Variants in FAAH2 observed in about 807,000 individuals in gnomAD.
The protein encoded by FAAH2 is fatty acid amide hydrolase 2, also known as fatty-acid amide hydrolase 2.
In FAAH2, 60 loss-of-function variants were observed where a neutral mutation model predicts 36.9. The ratio of observed to expected loss-of-function variants is 1.63; its 90% CI spans 1.32 to 2.02. The LOEUF is 2.02. Among genes scored for constraint, FAAH2 ranks in the 30% most tolerant of loss-of-function variants. FAAH2 has a pLI of 0.00. For missense variants in FAAH2, 689 were observed against 397.5 expected, an observed-to-expected ratio of 1.73 and a Z score of -6.23; for synonymous variants, 214 against 143.8, an observed-to-expected ratio of 1.49 and a Z score of -3.49.
At chrX:57,235,039 A>T in the FAAH2 span, among the ~76,000 whole-genome samples, 1 of 111,444 alleles carries the variant, frequency 9.0e-6, no homozygotes, top group African/African-American at 3.3e-5. Flanking sequence ...CTCTGTCTCC[A>T]TGGCCCAGGG....
At chrX:57,263,221 C>T in the FAAH2 span, among the ~76,000 whole-genome samples, 1 of 111,414 alleles carries the variant, frequency 9.0e-6, no homozygotes, top group Non-Finnish European at 1.9e-5. Flanking sequence ...ACAAAAACCT[C>T]CTAGAACTAA....
chrX:57,414,328 G>A (rs897064835), intron 7 of FAAH2, among the ~76,000 whole-genome samples: 14 of 110,895 alleles, frequency 1.3e-4, no homozygotes, highest in Non-Finnish European at 1.9e-4. Context: ...CTTTTGCCTC[G>A]TCAGTATGAT....
the FAAH2 span, among the ~76,000 whole-genome samples, chrX:57,266,490 C>T: frequency 3.6e-5 from 4 of 112,644 alleles, no homozygotes; most frequent in African/African-American, 6.4e-5. Context: ...TGGACGGAGC[C>T]GCCAGGGGCA....
the FAAH2 span, among the ~76,000 whole-genome samples, chrX:57,243,751 A>T: frequency 8.9e-6 from 1 of 111,833 alleles, no homozygotes; most frequent in Non-Finnish European, 1.9e-5. Context: ...GGTCACCAAC[A>T]TCAAAGACCA....
the FAAH2 span, among the ~76,000 whole-genome samples, chrX:57,174,318 G>T: frequency 9.1e-6 from 1 of 109,936 alleles, no homozygotes; most frequent in Non-Finnish European, 1.9e-5. Context: ...CAAGCTGTGT[G>T]TGTGCATATG....
chrX:57,443,148 A>T (rs1026186233), intron 8 of FAAH2, among the ~76,000 whole-genome samples: 2 of 111,791 alleles, frequency 1.8e-5, no homozygotes, highest in Non-Finnish European at 3.8e-5. Flanking sequence ...CTGAATTTGA[A>T]TGTTGGCCTG....
At chrX:57,480,705 A>G (rs2057363560) in intron 10 of FAAH2, among the ~76,000 whole-genome samples, 1 of 110,588 alleles carries the variant, frequency 9.0e-6, no homozygotes, top group African/African-American at 3.3e-5. Context: ...GAATCTGGCG[A>G]TTAGGTGTCT....
At chrX:57,241,757 T>C in the FAAH2 span, among the ~76,000 whole-genome samples, 2 of 111,599 alleles carry the variant, frequency 1.8e-5, no homozygotes, top group Admixed American at 9.5e-5. Flanking sequence ...TGCATCCTCA[T>C]AGCTTAGCTC....
rs1046484320 is a variant in FAAH2 at position 57,302,942 on chromosome X, C to T, written c.276-7651C>T. 3.6e-5 allele frequency among the ~76,000 whole-genome samples: 4 copies of T among 111,087 alleles called. 1 individual carries two copies. The highest frequency in any genetic ancestry group is 5.7e-5 in the Non-Finnish European group (3 of 53,037). The stretch of plus-strand genomic sequence containing the variant: ...TTTCCTTGGTCTCAGGAGTCTAGTG[C>T]TGCCCTGTGCCACTGAGGCCACATG... On this transcript the variant is annotated intron_variant, in intron 2 of 10. Coordinates refer to ENST00000374900, the MANE Select transcript of FAAH2 (RefSeq NM_174912.4).
chrX:57,157,051 T>C, the FAAH2 span, among the ~76,000 whole-genome samples: 3,455 of 112,322 alleles, frequency 0.031, 117 homozygotes, highest in African/African-American at 0.11. Context: ...AGGAACAAAA[T>C]TCTGGAATTG....
chrX:57,322,872 G>T (rs2053075411), intron 3 of FAAH2, among the ~76,000 whole-genome samples: 1 of 108,993 alleles, frequency 9.2e-6, no homozygotes, highest in Non-Finnish European at 1.9e-5. Flanking sequence ...TAGGGTACAG[G>T]TGCACAACAT....
the FAAH2 span, among the ~76,000 whole-genome samples, chrX:57,215,149 G>T: frequency 2.8e-5 from 3 of 108,485 alleles, no homozygotes; most frequent in African/African-American, 1.0e-4. Flanking sequence ...CAAAAAGTGG[G>T]GAAAGAACAT....
chrX:57,482,062 C>T (rs903205644), intron 10 of FAAH2, among the ~76,000 whole-genome samples: 2 of 111,497 alleles, frequency 1.8e-5, no homozygotes, highest in Non-Finnish European at 3.8e-5. Flanking sequence ...CTACCAAATC[C>T]TCAGTAATGG....
At chrX:57,481,284 C>G (rs1472580433) in intron 10 of FAAH2, among the ~76,000 whole-genome samples, 4 of 110,816 alleles carry the variant, frequency 3.6e-5, no homozygotes, top group African/African-American at 9.9e-5. Flanking sequence ...TGTGCCCTTG[C>G]TGGAGAGGAG....
chrX:57,306,899 CAT>C lies in FAAH2; in HGVS notation c.276-3688_276-3687del, dbSNP rs1491071533. 3.6e-5 allele frequency among the ~76,000 whole-genome samples: 3 copies of C among 82,830 alleles called. No homozygotes were observed. The Admixed American group carries it at 4.5e-4, about 13-fold the overall frequency. The allele number at this position is 82,830 out of a possible 115,157, so 71.9% of individuals were successfully genotyped here. A position where few individuals can be genotyped will look rare whatever the true frequency, so the allele number is the denominator to read the frequency against. On this transcript the variant is annotated intron_variant, in intron 2 of 10. Coordinates refer to ENST00000374900, the MANE Select transcript of FAAH2 (RefSeq NM_174912.4). ...ATACACTATATATACACCATATATA[CAT>C]ATATAGTACTATATAGTATATATAG...
At chrX:57,267,961 A>G in the FAAH2 span, among the ~76,000 whole-genome samples, 1 of 112,652 alleles carries the variant, frequency 8.9e-6, no homozygotes, top group South Asian at 3.6e-4. Context: ...AAATGACCAC[A>G]TTCACTCTTC....
intron 8 of FAAH2, among the ~76,000 whole-genome samples, chrX:57,440,846 T>A (rs2056536205): frequency 8.9e-6 from 1 of 111,826 alleles, no homozygotes; most frequent in African/African-American, 3.2e-5. Context: ...CTTTTCTGCA[T>A]CTATTGAGAT....
intron 5 of FAAH2, among the ~76,000 whole-genome samples, chrX:57,374,456 T>G: frequency 8.9e-6 from 1 of 111,747 alleles, no homozygotes. Flanking sequence ...CCTAAGTATT[T>G]TATTTATTTT....
the FAAH2 span, among the ~76,000 whole-genome samples, chrX:57,215,971 G>A: frequency 7.7e-5 from 8 of 104,028 alleles, no homozygotes; most frequent in Middle Eastern, 0.015. Context: ...AAAACATAAA[G>A]TAACAACAAC....
Sources: allele counts gnomAD v4.1 joint callset (sites outside exome capture counted in the v4.1 genomes callset), GRCh38; gene constraint gnomAD v4.1.1; transcripts MANE v1.5; gene names NCBI Gene and HGNC (gene_info 2026-07-23, HGNC 2026-07-21).